The following ZFAT variants were observed in gnomAD, a reference collection of about 807,000 sequenced individuals.
ZFAT encodes the protein zinc finger protein ZFAT.
A neutral mutation model predicts 117.7 loss-of-function variants in ZFAT; 64 were observed. The ratio of observed to expected loss-of-function variants is 0.54; its 90% CI spans 0.44 to 0.67. The LOEUF (loss-of-function observed/expected upper bound fraction) is 0.67. Ranked by LOEUF, ZFAT falls within the 30% of genes least tolerant of loss-of-function variation. ZFAT has a pLI of 0.00. For missense variants in ZFAT, 1,433 were observed against 1,584.5 expected (o/e 0.90, Z 1.62); for synonymous variants, 679 against 615.0 (o/e 1.10, Z -1.54).
At chr8:134,600,342 G>T in intron 7 of ZFAT, 94 bp downstream of exon 7, 1 of 1,127,680 alleles carries the variant, frequency 8.9e-7, no homozygotes, top group Non-Finnish European at 1.4e-6. Flanking sequence ...TTTCAGGGCT[G>T]ACCTGCAGCA....
intron 15 of ZFAT, among the ~76,000 whole-genome samples, chr8:134,483,059 C>T (rs1817428560): frequency 6.6e-6 from 1 of 152,222 alleles, no homozygotes; most frequent in Non-Finnish European, 1.5e-5. Flanking sequence ...GTTCATAGGG[C>T]TTTCTGCAGA....
At chr8:134,529,210 G>C (rs1177392661) in intron 12 of ZFAT, among the ~76,000 whole-genome samples, 1 of 152,116 alleles carries the variant, frequency 6.6e-6, no homozygotes, top group Non-Finnish European at 1.5e-5. Flanking sequence ...GGAGGGCTTG[G>C]AAGCCACTGG....
intron 3 of ZFAT, among the ~76,000 whole-genome samples, chr8:134,634,156 A>G (rs1351072773): frequency 6.6e-6 from 1 of 152,236 alleles, no homozygotes; most frequent in Non-Finnish European, 1.5e-5. Flanking sequence ...GAGAACAGCA[A>G]CTGTAGCATA....
chr8:134,689,186 T>C (rs1833480885), intron 1 of ZFAT, among the ~76,000 whole-genome samples: 1 of 152,204 alleles, frequency 6.6e-6, no homozygotes, highest in African/African-American at 2.4e-5. Context: ...ACCCAAAAGT[T>C]ACTGCCTTGC....
Position 134,478,402 on chromosome 8 carries a change from C to A in ZFAT, c.*80G>T. On this transcript the variant is annotated 3_prime_UTR_variant, in exon 16 of 16. Transcript: ENST00000377838. The surrounding 1 kb of genome is among the most constrained non-coding windows in gnomAD (Gnocchi z 5.2). ...GGAGAGCACCATTCTGCGGGTAGGG[C>A]AGGAAGGGTGGCCTCCCCACCCTGG... The A allele has an allele frequency of 6.7e-7, 1 of 1,500,936 alleles. No individual in the cohort carries two copies. The highest frequency in any genetic ancestry group is 1.3e-5 in the South Asian group (1 of 76,978). 93.0% of individuals were successfully genotyped at this position (1,500,936 alleles called of 1,614,324 possible). A position where few individuals can be genotyped will look rare whatever the true frequency, so the allele number is the denominator to read the frequency against.
At chr8:134,763,351 T>C in the ZFAT span, among the ~76,000 whole-genome samples, 1 of 152,204 alleles carries the variant, frequency 6.6e-6, no homozygotes, top group Non-Finnish European at 1.5e-5. Flanking sequence ...AAGACAAGTT[T>C]ATTACTACCT....
chr8:134,715,902 CAT>C (rs1814206339), upstream of ZFAT, among the ~76,000 whole-genome samples: 1 of 152,080 alleles, frequency 6.6e-6, no homozygotes, highest in Admixed American at 6.6e-5. Flanking sequence ...AATTTAGGAA[CAT>C]AATTTCACAG....
chr8:134,640,420 G>C (rs550729546), intron 2 of ZFAT, among the ~76,000 whole-genome samples: 2 of 152,300 alleles, frequency 1.3e-5, no homozygotes, highest in Admixed American at 1.3e-4. Context: ...TCTCCACACA[G>C]ACTCAATGGA....
the ZFAT span, among the ~76,000 whole-genome samples, chr8:134,805,511 C>T: frequency 0.015 from 2,262 of 152,062 alleles, 26 homozygotes; most frequent in Non-Finnish European, 0.023. Flanking sequence ...AGGAAATGAG[C>T]AAAACAAAGA....
intron 13 of ZFAT, among the ~76,000 whole-genome samples, chr8:134,515,852 C>T (rs6578041): frequency 0.46 from 69,737 of 151,902 alleles, 16,689 homozygotes; most frequent in African/African-American, 0.59. Context: ...TTATTTGCCC[C>T]ATAAATATTT....
chr8:134,817,741 A>G, the ZFAT span, among the ~76,000 whole-genome samples: 1 of 152,200 alleles, frequency 6.6e-6, no homozygotes, highest in Non-Finnish European at 1.5e-5. Context: ...GACTAGCAAA[A>G]ATAACTTTGA....
Position 134,600,526 on chromosome 8 carries a change from G to C in ZFAT, c.2385C>G (p.Asn795Lys), listed in dbSNP as rs376574467. The change falls in exon 7 of 16, where the codon AAC becomes AAG. Residue 795 changes from asparagine (N) to lysine (K), a missense_variant. Asn to Lys is a moderately conservative substitution (Grantham distance 94, BLOSUM62 0). Coordinates refer to ENST00000377838, the MANE Select transcript of ZFAT (RefSeq NM_020863.4). ...CATCGGTGGGACACTTCAGCAAGATGTTACTGTGTTTCTGAATTACGTGGC... is the reference window on the plus strand; with the variant it reads ...CATCGGTGGGACACTTCAGCAAGATCTTACTGTGTTTCTGAATTACGTGGC... ...LKRHVIQKHS[N>K]ILLKCPTDGC... The C allele has an allele frequency of 9.9e-6, 16 of 1,614,060 alleles. No individual in the cohort carries two copies. The highest frequency in any genetic ancestry group is 4.5e-5 in the East Asian group (2 of 44,904).
chr8:134,610,383 G>A, intron 4 of ZFAT, 87 bp downstream of exon 4: 1 of 1,413,106 alleles, frequency 7.1e-7, no homozygotes, highest in Non-Finnish European at 9.5e-7. Flanking sequence ...CCAGCTCTGT[G>A]TTCTGACTCA....
At chr8:134,539,002 T>C (rs1224689627) in intron 11 of ZFAT, among the ~76,000 whole-genome samples, 2 of 152,138 alleles carry the variant, frequency 1.3e-5, no homozygotes, top group Non-Finnish European at 2.9e-5. Flanking sequence ...AAAAAGCAGG[T>C]AAAATACACA....
chr8:134,748,248 T>C, the ZFAT span, among the ~76,000 whole-genome samples: 1 of 152,318 alleles, frequency 6.6e-6, no homozygotes, highest in Admixed American at 6.5e-5. Flanking sequence ...CCTCCAGAAG[T>C]AACCACTTGC....
At chr8:134,726,570 G>A in the ZFAT span, among the ~76,000 whole-genome samples, 5 of 152,126 alleles carry the variant, frequency 3.3e-5, no homozygotes, top group African/African-American at 1.2e-4. Context: ...GTCTTATTGG[G>A]AAGTTGCTGA....
At chr8:134,762,985 C>T in the ZFAT span, among the ~76,000 whole-genome samples, 1 of 152,300 alleles carries the variant, frequency 6.6e-6, no homozygotes, top group South Asian at 2.1e-4. Flanking sequence ...CACCCCATCT[C>T]TTTATATGGA....
At chr8:134,825,630 G>T in the ZFAT span, among the ~76,000 whole-genome samples, 4 of 152,110 alleles carry the variant, frequency 2.6e-5, no homozygotes, top group African/African-American at 9.7e-5. Context: ...ATTACTAAAA[G>T]GAAAAAGGAG....
At chr8:134,832,142 GC>G in the ZFAT span, among the ~76,000 whole-genome samples, 110 of 142,960 alleles carry the variant, frequency 7.7e-4, 1 homozygote, top group African/African-American at 2.6e-3. Flanking sequence ...CGCGCGAGGG[GC>G]GGGGGGCAGG....
Sources: allele counts gnomAD v4.1 joint callset (sites outside exome capture counted in the v4.1 genomes callset), GRCh38; gene constraint gnomAD v4.1.1; non-coding constraint Gnocchi (gnomAD v3.1); transcripts MANE v1.5; gene names NCBI Gene and HGNC (gene_info 2026-07-23, HGNC 2026-07-21).